PALS1: variants seen among roughly 807,000 people sequenced by gnomAD.
PALS1 encodes the protein protein PALS1.
PALS1 carries 31 observed loss-of-function variants against 78.9 expected under a neutral mutation model. The ratio of observed to expected loss-of-function variants is 0.39; its 90% confidence interval spans 0.30 to 0.53. The LOEUF (loss-of-function observed/expected upper bound fraction) is 0.53, where lower values mean the gene tolerates loss of function less well. Among genes scored for constraint, PALS1 ranks in the 20% least tolerant of loss-of-function variants. The pLI is 0.67. For synonymous variants in PALS1, 276 were observed against 270.9 expected, an observed-to-expected ratio of 1.02 and a Z score of -0.18; for missense variants, 704 against 826.5, an observed-to-expected ratio of 0.85 and a Z score of 1.82.
chr14:67,316,277 C>T (rs147288778), intron 9 of PALS1, among the ~76,000 whole-genome samples: 79 of 152,086 alleles, frequency 5.2e-4, no homozygotes, highest in African/African-American at 1.8e-3. Context: ...AGGAAAAGCA[C>T]GTTTTCCATT....
At position 67,303,582 on chromosome 14, in the gene PALS1, C is replaced by T; in HGVS notation, c.1024C>T (p.Pro342Ser). The change falls in exon 8 of 15, where the codon CCT becomes TCT. Residue 342 changes from proline (P) to serine (S), a missense_variant. Physicochemically the swap from Pro to Ser is moderately conservative, Grantham distance 74. Coordinates refer to ENST00000261681, the MANE Select transcript of PALS1 (RefSeq NM_022474.4). The stretch of plus-strand genomic sequence containing the variant: ...TCCCAGTCAACAGATCAAGCCGCCT[C>T]CTGCCAAGGAAACAGTAGTAAGTGA... ...LIPSQQIKPP[P>S]AKETVIHVKA... The T allele has an allele frequency of 6.2e-7, 1 of 1,613,270 alleles. No homozygotes were observed. Among genetic ancestry groups the T allele is most frequent in the Non-Finnish European group, 8.5e-7 (1 of 1,179,280 alleles).
chr14:67,315,253 G>A (rs541322483), intron 9 of PALS1, among the ~76,000 whole-genome samples: 15 of 149,364 alleles, frequency 1.0e-4, no homozygotes, highest in South Asian at 2.1e-4. Context: ...TTTAAAAATC[G>A]GTTACTTATT....
rs1450087449 is a variant in PALS1 at position 67,321,227 on chromosome 14, G to A, written c.1708G>A (p.Gly570Ser). 2 of 1,614,012 alleles carry A rather than the reference G, an allele frequency of 1.2e-6. No individual in the cohort carries two copies. Among genetic ancestry groups the A allele is most frequent in the East Asian group, 2.2e-5 (1 of 44,890 alleles). Reference protein sequence around the residue: ...IDSVRQVINSGKICLLSLRTQ... With the variant: ...IDSVRQVINSSKICLLSLRTQ... Reference sequence around the variant, plus strand: ...TTCTGTACGGCAAGTGATCAACTCTGGCAAAATATGTCTTTTAAGTCTTCG... The same window carrying A: ...TTCTGTACGGCAAGTGATCAACTCTAGCAAAATATGTCTTTTAAGTCTTCG... Residue 570 changes from glycine (G) to serine (S), a missense_variant, in exon 13 of 15, where the codon GGC (glycine) becomes AGC (serine). By Grantham distance (56) the Gly-to-Ser change is moderately conservative. Coordinates refer to ENST00000261681, the MANE Select transcript of PALS1 (RefSeq NM_022474.4).
intron 3 of PALS1, chr14:67,279,830 A>G (rs1170252402): frequency 6.1e-5 from 20 of 327,086 alleles, no homozygotes; most frequent in Non-Finnish European, 1.1e-4. Flanking sequence ...TTTATATCAA[A>G]CCACAAACTT....
At position 67,312,632 on chromosome 14, in the gene PALS1, A is replaced by C. The variant is rs1260896774; in HGVS notation, c.1147A>C (p.Ser383Arg). Residue 383 changes from serine (S) to arginine (R), a missense_variant, in exon 9 of 15, where the codon AGT becomes CGT. Coordinates refer to ENST00000261681, the MANE Select transcript of PALS1 (RefSeq NM_022474.4). ...FQKGDILHVI[S>R]QEDPNWWQAY... ...AAAAGGTGATATACTTCATGTGATC[A>C]GTCAAGAAGATCCAAACTGGTGGCA... is the stretch of plus-strand genomic sequence containing the variant. 6 of 1,613,716 alleles carry C rather than the reference A, an allele frequency of 3.7e-6. No homozygotes were observed. The South Asian group carries it at 6.6e-5, about 18-fold the overall frequency.
chr14:67,243,966 T>C (rs2083946137), intron 1 of PALS1, among the ~76,000 whole-genome samples: 2 of 152,224 alleles, frequency 1.3e-5, no homozygotes, highest in Non-Finnish European at 2.9e-5. Context: ...TGGAACTACA[T>C]GAATGCTAAA....
At chr14:67,245,303 C>G (rs967391716) in intron 1 of PALS1, among the ~76,000 whole-genome samples, 3 of 152,112 alleles carry the variant, frequency 2.0e-5, no homozygotes, top group Admixed American at 6.6e-5. Context: ...CTTTACATTC[C>G]TGTCAGCACT....
chr14:67,246,651 T>TTG (rs2083992219), intron 1 of PALS1, among the ~76,000 whole-genome samples: 6 of 143,070 alleles, frequency 4.2e-5, no homozygotes, highest in African/African-American at 1.3e-4. Flanking sequence ...TACTATAGGT[T>TTG]TTTTTTTTTT....
chr14:67,290,952 G>C (rs989628527), intron 3 of PALS1, among the ~76,000 whole-genome samples: 1 of 152,118 alleles, frequency 6.6e-6, no homozygotes, highest in Non-Finnish European at 1.5e-5. Context: ...TTAAATAGAA[G>C]TTAAATAAAG....
chr14:67,323,918 C>A, intron 14 of PALS1, 106 bp downstream of exon 14: 1 of 630,210 alleles, frequency 1.6e-6, no homozygotes, highest in Non-Finnish European at 2.7e-6. Flanking sequence ...AGCTTTCAAA[C>A]TGATTATTTT....
At chr14:67,311,100 T>C (rs749702443) in intron 8 of PALS1, among the ~76,000 whole-genome samples, 3 of 152,012 alleles carry the variant, frequency 2.0e-5, no homozygotes, top group Non-Finnish European at 4.4e-5. Context: ...TCACCTGAGG[T>C]CAGGAGTTCA....
chr14:67,296,235 G>T (rs1346924995), intron 4 of PALS1, among the ~76,000 whole-genome samples: 1 of 152,184 alleles, frequency 6.6e-6, no homozygotes. Flanking sequence ...AAAGGGTACA[G>T]AGGTGGTAGT....
intron 1 of PALS1, among the ~76,000 whole-genome samples, chr14:67,248,123 A>G (rs2084014068): frequency 6.6e-6 from 1 of 152,086 alleles, no homozygotes; most frequent in African/African-American, 2.4e-5. Flanking sequence ...AATTACACTG[A>G]TTTTTCAAAT....
chr14:67,243,960 A>T (rs2083946080), intron 1 of PALS1, among the ~76,000 whole-genome samples: 1 of 152,228 alleles, frequency 6.6e-6, no homozygotes, highest in Admixed American at 6.5e-5. Context: ...CAGACTTGGA[A>T]CTACATGAAT....
rs763025687 is a variant in PALS1 at position 67,320,301 on chromosome 14, C to A, written c.1441C>A (p.Pro481Thr). The part of the protein sequence containing the change: ...LYHQPANRKR[P>T]IILIGPQNCG... ...TCATCAGCCAGCAAATAGGAAGAGACCTATCATCTTGATTGGTCCACAGAA... is the reference window on the plus strand; with the variant it reads ...TCATCAGCCAGCAAATAGGAAGAGAACTATCATCTTGATTGGTCCACAGAA... Residue 481 changes from proline (P) to threonine (T), a missense_variant, in exon 12 of 15, where the codon CCT becomes ACT. Transcript: ENST00000261681. 1 of 1,613,742 alleles carries A rather than the reference C, an allele frequency of 6.2e-7. No homozygotes were observed. Among genetic ancestry groups the A allele is most frequent in the Non-Finnish European group, 8.5e-7 (1 of 1,179,868 alleles).
At position 67,332,950 on chromosome 14, in the gene PALS1, G is replaced by C. The variant is rs1371259944; in HGVS notation, c.2022G>C (p.Leu674=). ...CTCAGTGGGTACCATCCACTTGGCT[G>C]AGGTGAAAGAAACATCCATTCTGTG... is the stretch of plus-strand genomic sequence containing the variant. ...TEPQWVPSTW[L]R Residue 674 remains leucine (L), a synonymous_variant, in exon 15 of 15, where the codon CTG becomes CTC. Coordinates refer to ENST00000261681, the MANE Select transcript of PALS1 (RefSeq NM_022474.4). 2 of 1,603,434 alleles carry C rather than the reference G, an allele frequency of 1.2e-6. No individual in the cohort carries two copies. Among genetic ancestry groups the C allele is most frequent in the Non-Finnish European group, 1.7e-6 (2 of 1,171,708 alleles).
intron 1 of PALS1, among the ~76,000 whole-genome samples, chr14:67,258,314 C>T (rs1482994852): frequency 6.6e-6 from 1 of 152,050 alleles, no homozygotes; most frequent in Admixed American, 6.6e-5. Context: ...GCAGGTGGAT[C>T]GCATGAGCTC....
intron 8 of PALS1, among the ~76,000 whole-genome samples, chr14:67,306,513 T>TTGTGTG (rs35688419): frequency 2.1e-3 from 304 of 147,538 alleles, no homozygotes; most frequent in African/African-American, 7.0e-3. Flanking sequence ...CTGGCTGAAT[T>TTGTGTG]TGTGTGTGTG....
chr14:67,257,531 G>A (rs1419398152), intron 1 of PALS1, among the ~76,000 whole-genome samples: 1 of 152,004 alleles, frequency 6.6e-6, no homozygotes, highest in Non-Finnish European at 1.5e-5. Flanking sequence ...ACAACTTGTG[G>A]AGAGAGGGAA....
Sources: allele counts gnomAD v4.1 joint callset (sites outside exome capture counted in the v4.1 genomes callset), GRCh38; gene constraint gnomAD v4.1.1; transcripts MANE v1.5; gene names NCBI Gene and HGNC (gene_info 2026-07-23, HGNC 2026-07-21).